The following CYB5A variants were observed in gnomAD, a reference collection of about 807,000 sequenced individuals.
CYB5A encodes cytochrome b5 type A, also known as cytochrome b5.
In CYB5A, 10 loss-of-function variants were observed where a neutral mutation model predicts 16.2. The observed-to-expected ratio is 0.62, with a 90% CI of 0.38 to 1.04. The LOEUF is 1.04. Ranked by LOEUF, CYB5A falls within the 50% of genes least tolerant of loss-of-function variation. The pLI, the probability that CYB5A is intolerant of heterozygous loss-of-function variation, is 0.01. For missense variants in CYB5A, 161 were observed against 165.9 expected (o/e 0.97, Z 0.16); for synonymous variants, 62 against 57.0 (o/e 1.09, Z -0.40).
chr18:74,290,402 G>C (rs1313203299), intron 1 of CYB5A, among the ~76,000 whole-genome samples: 1 of 152,028 alleles, frequency 6.6e-6, no homozygotes, highest in East Asian at 1.9e-4. Flanking sequence ...GCCCCGCCAG[G>C]CCTGGCTAAT....
At chr18:74,273,262 G>A (rs907324007) in intron 1 of CYB5A, among the ~76,000 whole-genome samples, 15 of 152,276 alleles carry the variant, frequency 9.9e-5, no homozygotes, top group African/African-American at 3.6e-4. Flanking sequence ...TCACCCCTCT[G>A]CCCAACACCA....
chr18:74,258,980 C>G (rs552541248), intron 3 of CYB5A: 1 of 152,174 alleles, frequency 6.6e-6, no homozygotes, highest in African/African-American at 2.4e-5. Context: ...CCCATCTCTA[C>G]TAAAAATACA....
At chr18:74,279,649 C>A in intron 1 of CYB5A, among the ~76,000 whole-genome samples, 1 of 149,130 alleles carries the variant, frequency 6.7e-6, no homozygotes, top group South Asian at 2.2e-4. Flanking sequence ...CCATCTCTCT[C>A]TTTTGTTTTT....
chr18:74,269,415 G>A lies in CYB5A; in HGVS notation c.130-5938C>T, dbSNP rs575195544. ...TGGTCCTCACCCCTCCTCCATCTGC[G>A]TTGGCTCTCCTGATGATCTTATCAA... On this transcript the variant is annotated intron_variant, in intron 1 of 4. Transcript: ENST00000340533. Among the ~76,000 whole-genome samples, 94 of 152,248 alleles carry A rather than the reference G, an allele frequency of 6.2e-4. 1 individual carries two copies. In the Middle Eastern group the frequency reaches 0.014, roughly 22 times the overall value.
intron 1 of CYB5A, among the ~76,000 whole-genome samples, chr18:74,276,840 T>C (rs1222419571): frequency 2.6e-5 from 4 of 152,166 alleles, no homozygotes; most frequent in African/African-American, 9.7e-5. Context: ...CACAGTCTGT[T>C]TGGCAGCTAC....
At chr18:74,256,819 G>A in intron 3 of CYB5A, 1 of 1,613,510 alleles carries the variant, frequency 6.2e-7, no homozygotes. Context: ...GCAGTTATGA[G>A]ACCCACCAAC....
intron 1 of CYB5A, among the ~76,000 whole-genome samples, chr18:74,264,027 A>C (rs1023906615): frequency 6.6e-6 from 1 of 152,200 alleles, no homozygotes; most frequent in Non-Finnish European, 1.5e-5. Context: ...CCTGGCCTAC[A>C]TGGCGAAACC....
chr18:74,255,741 C>G lies in CYB5A; in HGVS notation c.323G>C (p.Ser108Thr). The change falls in exon 4 of 5, where the codon AGT (serine) becomes ACT (threonine). Residue 108 changes from serine to threonine, a missense_variant and splice_region_variant. Ser to Thr is a moderately conservative substitution (Grantham distance 58). Transcript: ENST00000340533. ...TLITTIDSSS[S>T]WWTNWVIPAI... ...GCTTTAAAAGAAAGCTACCACATACCTGGAACTAGAATCAATAGTAGTGAT... is the reference window on the plus strand; with the variant it reads ...GCTTTAAAAGAAAGCTACCACATACGTGGAACTAGAATCAATAGTAGTGAT... 2 of 1,612,666 alleles carry G rather than the reference C, an allele frequency of 1.2e-6. No individual in the cohort carries two copies. Among genetic ancestry groups the G allele is most frequent in the Admixed American group, 1.7e-5 (1 of 60,020 alleles).
At chr18:74,261,391 G>A (rs1982192801) in intron 2 of CYB5A, 1 of 210,520 alleles carries the variant, frequency 4.8e-6, no homozygotes, top group African/African-American at 2.3e-5. Flanking sequence ...ACTTCAGGCT[G>A]AAGCTGTCAA....
At position 74,291,925 on chromosome 18, in the gene CYB5A, G is replaced by C. The variant is rs1480972721; in HGVS notation, c.-50C>G. 13 of 1,604,524 alleles carry C rather than the reference G, an allele frequency of 8.1e-6. No homozygotes were observed. The highest frequency in any genetic ancestry group is 1.1e-5 in the Non-Finnish European group (13 of 1,179,670). On this transcript the variant is annotated 5_prime_UTR_variant, in exon 1 of 5. Coordinates refer to ENST00000340533, the MANE Select transcript of CYB5A (RefSeq NM_148923.4). The stretch of plus-strand genomic sequence containing the variant: ...AGCACACACAGCCCCGTCGGGTGGA[G>C]CAGAGCGCGCGACTCAGCCAGCTCC...
Position 74,251,137 on chromosome 18 carries a change from T to C in CYB5A, c.*2447A>G, listed in dbSNP as rs1271060645. 1 of 144,406 alleles carries C rather than the reference T, an allele frequency of 6.9e-6. No individual in the cohort carries two copies. Among genetic ancestry groups the C allele is most frequent in the Non-Finnish European group, 1.5e-5 (1 of 67,036 alleles). The allele number at this position is 144,406 out of a possible 1,614,324, so 8.9% of individuals were successfully genotyped here. On this transcript the variant is annotated 3_prime_UTR_variant, in exon 5 of 5. Coordinates refer to ENST00000340533, the MANE Select transcript of CYB5A (RefSeq NM_148923.4). ...GTGAGCCAAGATCATACCACTGCAC[T>C]CCAGCCTGGGCGACAGAGTGAGACT... is the stretch of plus-strand genomic sequence containing the variant.
intron 1 of CYB5A, among the ~76,000 whole-genome samples, chr18:74,267,315 C>T (rs1159311123): frequency 1.3e-5 from 2 of 152,140 alleles, no homozygotes; most frequent in Admixed American, 6.6e-5. Context: ...TGCCACCACA[C>T]CCGGCTAATT....
chr18:74,270,417 C>A (rs1723867528), intron 1 of CYB5A, among the ~76,000 whole-genome samples: 1 of 152,120 alleles, frequency 6.6e-6, no homozygotes, highest in Non-Finnish European at 1.5e-5. Flanking sequence ...AAGACCCCAT[C>A]ATTCATTAAG....
In CYB5A at chr18:74,251,601, C is replaced by T. The variant is rs1303844591; in HGVS notation, c.*1983G>A. 1 of 152,172 alleles carries T rather than the reference C, an allele frequency of 6.6e-6. No homozygotes were observed. Among genetic ancestry groups the T allele is most frequent in the Non-Finnish European group, 1.5e-5 (1 of 68,044 alleles). 9.4% of individuals were successfully genotyped at this position (152,172 alleles called of 1,614,324 possible). Reference sequence around the variant, plus strand: ...TGATTCTGGGGGCCCAAGATGTTTTCCTTTCACAAGCAGCAGATGAAAAGA... The same window carrying T: ...TGATTCTGGGGGCCCAAGATGTTTTTCTTTCACAAGCAGCAGATGAAAAGA... On this transcript the variant is annotated 3_prime_UTR_variant, in exon 5 of 5. Transcript: ENST00000340533.
intron 1 of CYB5A, among the ~76,000 whole-genome samples, chr18:74,266,343 G>T (rs754075834): frequency 6.6e-6 from 1 of 152,164 alleles, no homozygotes; most frequent in Non-Finnish European, 1.5e-5. Context: ...TGTTACTCGC[G>T]TAGGGACCGC....
chr18:74,284,201 C>T (rs531141258), intron 1 of CYB5A, among the ~76,000 whole-genome samples: 27 of 140,456 alleles, frequency 1.9e-4, no homozygotes, highest in African/African-American at 7.2e-4. Context: ...CATTGCACTC[C>T]AGCCTGGGCA....
At chr18:74,280,464 G>A (rs960063071) in intron 1 of CYB5A, among the ~76,000 whole-genome samples, 1 of 151,342 alleles carries the variant, frequency 6.6e-6, no homozygotes, top group African/African-American at 2.4e-5. Context: ...TGTAGTCCTC[G>A]CTACTTGGGA....
intron 1 of CYB5A, among the ~76,000 whole-genome samples, chr18:74,284,525 C>T (rs1276908689): frequency 2.0e-5 from 3 of 152,134 alleles, no homozygotes; most frequent in Non-Finnish European, 1.5e-5. Flanking sequence ...TAATTCTGGA[C>T]ACAGCTGCAC....
At chr18:74,278,090 G>A (rs1982951283) in intron 1 of CYB5A, among the ~76,000 whole-genome samples, 1 of 152,150 alleles carries the variant, frequency 6.6e-6, no homozygotes, top group Non-Finnish European at 1.5e-5. Context: ...CACTTGTGTG[G>A]ACCCTTCTAA....
Sources: allele counts gnomAD v4.1 joint callset (sites outside exome capture counted in the v4.1 genomes callset), GRCh38; gene constraint gnomAD v4.1.1; transcripts MANE v1.5; gene names NCBI Gene and HGNC (gene_info 2026-07-23, HGNC 2026-07-21).